The following PHF21A variants were observed in gnomAD, a reference collection of about 807,000 sequenced individuals.
The protein encoded by PHF21A is PHD finger protein 21A, also known as BHC80a.
PHF21A carries 11 observed loss-of-function variants against 82.5 expected under a neutral mutation model. The ratio of observed to expected loss-of-function variants is 0.13; its 90% confidence interval spans 0.08 to 0.22. PHF21A has a LOEUF of 0.22. Among genes scored for constraint, PHF21A ranks in the 10% least tolerant of loss-of-function variants. PHF21A has a pLI of 1.00. For missense variants in PHF21A, 579 were observed against 837.8 expected, an observed-to-expected ratio of 0.69 and a Z score of 3.81; for synonymous variants, 297 against 302.8, an observed-to-expected ratio of 0.98 and a Z score of 0.20.
At chr11:45,993,320 G>T (rs1470068894) in intron 6 of PHF21A, among the ~76,000 whole-genome samples, 1 of 152,094 alleles carries the variant, frequency 6.6e-6, no homozygotes, top group Non-Finnish European at 1.5e-5. Flanking sequence ...TATTTACACA[G>T]CACTTTACGA....
intron 6 of PHF21A, among the ~76,000 whole-genome samples, chr11:46,059,470 G>A (rs936449208): frequency 6.6e-6 from 1 of 152,120 alleles, no homozygotes; most frequent in Admixed American, 6.5e-5. Context: ...CTGTCGCCCA[G>A]ATGGGAGTGC....
At chr11:46,003,418 A>C (rs2095207705) in intron 6 of PHF21A, among the ~76,000 whole-genome samples, 2 of 152,126 alleles carry the variant, frequency 1.3e-5, no homozygotes, top group South Asian at 4.1e-4. Context: ...AAAAGAAAAA[A>C]ATATTTTATA....
chr11:46,010,890 A>G (rs746477379), intron 6 of PHF21A, among the ~76,000 whole-genome samples: 5 of 152,186 alleles, frequency 3.3e-5, no homozygotes, highest in African/African-American at 7.2e-5. Flanking sequence ...CCAGGCAGTG[A>G]ACAGCATCAT....
intron 10 of PHF21A, among the ~76,000 whole-genome samples, chr11:45,956,644 A>G (rs1447492628): frequency 1.3e-5 from 2 of 152,188 alleles, no homozygotes; most frequent in Non-Finnish European, 2.9e-5. Context: ...GTTTACTGTA[A>G]TCCCCAAGGT....
chr11:46,044,303 G>GA (rs199654625), intron 6 of PHF21A, among the ~76,000 whole-genome samples: 6 of 150,030 alleles, frequency 4.0e-5, no homozygotes, highest in African/African-American at 1.2e-4. Context: ...AAATGAGCAG[G>GA]AAAAAAAAAG....
chr11:46,096,120 C>T (rs1031531049), intron 1 of PHF21A, among the ~76,000 whole-genome samples: 1 of 152,128 alleles, frequency 6.6e-6, no homozygotes, highest in African/African-American at 2.4e-5. Flanking sequence ...GCTTGATAGG[C>T]TTAGTCCTTG....
chr11:46,009,642 A>G (rs1292829733), intron 6 of PHF21A, among the ~76,000 whole-genome samples: 1 of 152,220 alleles, frequency 6.6e-6, no homozygotes, highest in Admixed American at 6.5e-5. Context: ...AAACTAAAGC[A>G]CAGAAAAGTA....
intron 1 of PHF21A, among the ~76,000 whole-genome samples, chr11:46,101,779 G>A (rs1463770221): frequency 1.3e-5 from 2 of 151,090 alleles, no homozygotes; most frequent in African/African-American, 4.9e-5. Flanking sequence ...GGGACTACAG[G>A]CACATGCCAC....
intron 6 of PHF21A, among the ~76,000 whole-genome samples, chr11:45,999,774 T>G (rs1313238605): frequency 6.6e-6 from 1 of 152,242 alleles, no homozygotes; most frequent in Non-Finnish European, 1.5e-5. Context: ...GATACCTACA[T>G]GAGAATTTAT....
chr11:46,060,190 G>T (rs981927002), intron 6 of PHF21A, among the ~76,000 whole-genome samples: 1 of 151,950 alleles, frequency 6.6e-6, no homozygotes, highest in Non-Finnish European at 1.5e-5. Context: ...CATGGATGGG[G>T]TCTTGCTACG....
intron 4 of PHF21A, among the ~76,000 whole-genome samples, chr11:46,082,660 C>G (rs562813002): frequency 8.6e-5 from 13 of 151,874 alleles, no homozygotes; most frequent in African/African-American, 2.7e-4. Flanking sequence ...TTTGAGTCAA[C>G]AAATGTAAAT....
At chr11:46,098,201 G>T (rs11038764) in intron 1 of PHF21A, among the ~76,000 whole-genome samples, 1 of 152,298 alleles carries the variant, frequency 6.6e-6, no homozygotes, top group African/African-American at 2.4e-5. Context: ...CAAAGATTTA[G>T]ACTGTACATA....
rs574728734 is a variant in PHF21A at position 45,990,855 on chromosome 11, T to C, written c.154-10889A>G. Among the ~76,000 whole-genome samples, 14 of 152,226 alleles carry C rather than the reference T, an allele frequency of 9.2e-5. No individual in the cohort carries two copies. The East Asian group carries it at 2.7e-3, about 29-fold the overall frequency. On this transcript the variant is annotated intron_variant, in intron 6 of 18. Transcript: ENST00000676320. ...CAACAAGCTACACATAGCAGAACATTTGTTACAATCGAACCTACACTGACA... is the reference window on the plus strand; with the variant it reads ...CAACAAGCTACACATAGCAGAACATCTGTTACAATCGAACCTACACTGACA...
At chr11:45,944,157 T>A (rs1162652194) in intron 15 of PHF21A, among the ~76,000 whole-genome samples, 1 of 152,262 alleles carries the variant, frequency 6.6e-6, no homozygotes. Flanking sequence ...CTGTATATTT[T>A]ATATAGTAAT....
chr11:46,110,607 G>A (rs1394957851), intron 1 of PHF21A, among the ~76,000 whole-genome samples: 1 of 151,950 alleles, frequency 6.6e-6, no homozygotes, highest in African/African-American at 2.4e-5. Context: ...CTTATATTTA[G>A]CCCTTTGTAT....
intron 10 of PHF21A, among the ~76,000 whole-genome samples, chr11:45,956,160 A>G (rs2092620164): frequency 6.6e-6 from 1 of 152,182 alleles, no homozygotes; most frequent in African/African-American, 2.4e-5. Context: ...GTTCTAAAAG[A>G]TATGTTAAAG....
At chr11:45,977,825 CT>C (rs900973592) in intron 7 of PHF21A, among the ~76,000 whole-genome samples, 2 of 148,438 alleles carry the variant, frequency 1.3e-5, no homozygotes, top group African/African-American at 4.9e-5. Context: ...TTGCTTTTTT[CT>C]TTTTTTTCTT....
chr11:46,059,803 T>G (rs572194721), intron 6 of PHF21A, among the ~76,000 whole-genome samples: 1 of 152,326 alleles, frequency 6.6e-6, no homozygotes, highest in East Asian at 1.9e-4. Context: ...CTCGGCTCAC[T>G]GCAACTTCTG....
At chr11:46,065,959 G>A (rs1029983722) in intron 6 of PHF21A, among the ~76,000 whole-genome samples, 1 of 152,164 alleles carries the variant, frequency 6.6e-6, no homozygotes, top group African/African-American at 2.4e-5. Flanking sequence ...ATGTTAGGGC[G>A]GGCACATCCA....
Sources: allele counts gnomAD v4.1 joint callset (sites outside exome capture counted in the v4.1 genomes callset), GRCh38; gene constraint gnomAD v4.1.1; transcripts MANE v1.5; gene names NCBI Gene and HGNC (gene_info 2026-07-23, HGNC 2026-07-21).